ACTR3C: variants seen among roughly 807,000 people sequenced by gnomAD.
The protein encoded by ACTR3C is actin related protein 3C.
A neutral mutation model predicts 26.3 loss-of-function variants in ACTR3C; 18 were observed. The ratio of observed to expected loss-of-function variants is 0.68; its 90% CI spans 0.47 to 1.01. ACTR3C has a LOEUF of 1.01. ACTR3C is among the 50% of genes least tolerant of loss of function. ACTR3C has a pLI of 0.00. For synonymous variants in ACTR3C, 55 were observed against 94.5 expected, an observed-to-expected ratio of 0.58 and a Z score of 2.42; for missense variants, 184 against 250.7, an observed-to-expected ratio of 0.73 and a Z score of 1.80.
the ACTR3C span, among the ~76,000 whole-genome samples, chr7:149,900,325 C>T: frequency 2.6e-5 from 4 of 152,040 alleles, no homozygotes; most frequent in South Asian, 2.1e-4. Flanking sequence ...TACAGGTGCA[C>T]GCCACCACGC....
the ACTR3C span, among the ~76,000 whole-genome samples, chr7:149,969,893 G>A: frequency 2.0e-5 from 3 of 152,126 alleles, no homozygotes; most frequent in East Asian, 1.9e-4. Context: ...ATGTAATTAC[G>A]ATGGATTTAA....
the ACTR3C span, among the ~76,000 whole-genome samples, chr7:150,051,676 T>G: frequency 1.1e-3 from 157 of 145,830 alleles, no homozygotes; most frequent in Non-Finnish European, 9.7e-4. Context: ...CTATCTAGTT[T>G]CATATGATTA....
At chr7:150,304,047 T>C (rs1192757770) in intron 1 of ACTR3C, among the ~76,000 whole-genome samples, 1 of 152,106 alleles carries the variant, frequency 6.6e-6, no homozygotes, top group African/African-American at 2.4e-5. Context: ...CCTCTAAAAC[T>C]ACAGTAAAGA....
At chr7:150,261,371 C>G (rs949998371) in intron 6 of ACTR3C, among the ~76,000 whole-genome samples, 2 of 152,092 alleles carry the variant, frequency 1.3e-5, no homozygotes, top group Non-Finnish European at 2.9e-5. Context: ...TGTGCACTCT[C>G]TAGCCTGTTT....
chr7:149,968,514 T>C, the ACTR3C span, among the ~76,000 whole-genome samples: 5 of 152,134 alleles, frequency 3.3e-5, no homozygotes, highest in African/African-American at 9.7e-5. Context: ...GCCTGGGTGA[T>C]AGGGCGAGAC....
the ACTR3C span, among the ~76,000 whole-genome samples, chr7:149,989,851 C>G: frequency 6.6e-6 from 1 of 152,090 alleles, no homozygotes; most frequent in African/African-American, 2.4e-5. Context: ...TTTTAAGGAA[C>G]CTCCACACTA....
At chr7:150,167,741 C>G in the ACTR3C span, among the ~76,000 whole-genome samples, 2 of 150,414 alleles carry the variant, frequency 1.3e-5, 1 homozygote, top group African/African-American at 5.0e-5. Flanking sequence ...GGTGCAAGCT[C>G]TCCGGGAGCA....
chr7:150,077,382 T>C, the ACTR3C span, among the ~76,000 whole-genome samples: 2 of 152,148 alleles, frequency 1.3e-5, no homozygotes, highest in African/African-American at 4.8e-5. Flanking sequence ...TCTATTAGGT[T>C]ACATGAGCTG....
chr7:150,133,951 T>C, the ACTR3C span, among the ~76,000 whole-genome samples: 3 of 152,144 alleles, frequency 2.0e-5, no homozygotes, highest in Non-Finnish European at 4.4e-5. Context: ...TTGCTCAGGC[T>C]GGACTTGAAT....
chr7:150,038,170 T>A, the ACTR3C span, among the ~76,000 whole-genome samples: 1 of 142,780 alleles, frequency 7.0e-6, no homozygotes, highest in Non-Finnish European at 1.5e-5. Flanking sequence ...GCCTTTATGT[T>A]CAGGTTTTGC....
chr7:150,278,061 C>T (rs972536815), intron 6 of ACTR3C, among the ~76,000 whole-genome samples: 6 of 152,286 alleles, frequency 3.9e-5, no homozygotes, highest in African/African-American at 1.2e-4. Flanking sequence ...GCCCCAAGCA[C>T]ATCCCAGGCT....
At chr7:150,077,898 G>A in the ACTR3C span, among the ~76,000 whole-genome samples, 1 of 152,120 alleles carries the variant, frequency 6.6e-6, no homozygotes, top group African/African-American at 2.4e-5. Context: ...CTTTGTCTAT[G>A]CCTGTCCTTT....
the ACTR3C span, among the ~76,000 whole-genome samples, chr7:150,187,918 C>T: frequency 1.3e-5 from 2 of 151,962 alleles, no homozygotes; most frequent in Non-Finnish European, 2.9e-5. Flanking sequence ...TCTTATTTCT[C>T]CTTGAACTTT....
chr7:150,294,366 A>T (rs1471225866), intron 2 of ACTR3C, among the ~76,000 whole-genome samples: 8 of 152,254 alleles, frequency 5.3e-5, no homozygotes, highest in Non-Finnish European at 1.0e-4. Context: ...CCCTGGTCGA[A>T]GACGAAGCCC....
the ACTR3C span, among the ~76,000 whole-genome samples, chr7:150,158,130 A>G: frequency 6.6e-6 from 1 of 152,226 alleles, no homozygotes; most frequent in African/African-American, 2.4e-5. Flanking sequence ...CGCAAATCAA[A>G]ACCGCAATGT....
At chr7:150,279,709 C>T (rs1453257235) in intron 6 of ACTR3C, among the ~76,000 whole-genome samples, 1 of 152,178 alleles carries the variant, frequency 6.6e-6, no homozygotes, top group African/African-American at 2.4e-5. Flanking sequence ...GCTCTGCAGG[C>T]CAAGCTCTCA....
At chr7:149,949,374 AAAAG>A in the ACTR3C span, among the ~76,000 whole-genome samples, 2 of 130,328 alleles carry the variant, frequency 1.5e-5, no homozygotes, top group Non-Finnish European at 3.1e-5. Flanking sequence ...ACTCCGACAG[AAAAG>A]AAAGGAAGGA....
chr7:149,993,314 C>G, the ACTR3C span, among the ~76,000 whole-genome samples: 593 of 152,068 alleles, frequency 3.9e-3, 7 homozygotes, highest in Non-Finnish European at 6.2e-3. Flanking sequence ...AATTGGAGAG[C>G]GGGGAGCTGG....
chr7:150,224,316 A>G, the ACTR3C span, among the ~76,000 whole-genome samples: 22 of 151,998 alleles, frequency 1.4e-4, no homozygotes, highest in Non-Finnish European at 2.9e-4. Context: ...TGTGAAATAC[A>G]CTCTCTTTCT....
Sources: allele counts gnomAD v4.1 joint callset (sites outside exome capture counted in the v4.1 genomes callset), GRCh38; gene constraint gnomAD v4.1.1; transcripts MANE v1.5; gene names NCBI Gene and HGNC (gene_info 2026-07-23, HGNC 2026-07-21).